Variants in DPP10 observed in about 807,000 individuals in gnomAD.
DPP10 encodes the protein dipeptidyl peptidase like 10.
Under a neutral mutation model 120.9 loss-of-function variants are expected in DPP10, and 33 were observed. That is an observed-to-expected ratio of 0.27 (90% CI 0.21 to 0.37). DPP10 has a LOEUF of 0.37. Ranked by LOEUF, DPP10 falls within the 10% of genes least tolerant of loss-of-function variation. The probability of loss-of-function intolerance (pLI) is 1.00; values close to 1 mark genes in which losing one functional copy is unlikely to be tolerated. For missense variants in DPP10, 816 were observed against 942.8 expected, an observed-to-expected ratio of 0.87 and a Z score of 1.76; for synonymous variants, 337 against 326.1, an observed-to-expected ratio of 1.03 and a Z score of -0.36.
At chr2:115,161,834 C>G (rs868636913) in intron 1 of DPP10, 8 of 980,880 alleles carry the variant, frequency 8.2e-6, no homozygotes, top group African/African-American at 5.2e-5. Context: ...CCGCTCCCCC[C>G]ACCCCGTCCC....
At chr2:115,003,991 A>G (rs1701634563) in intron 1 of DPP10, among the ~76,000 whole-genome samples, 1 of 152,220 alleles carries the variant, frequency 6.6e-6, no homozygotes, top group African/African-American at 2.4e-5. Flanking sequence ...TTATTCACCA[A>G]TTCAAGTATT....
chr2:114,948,987 C>A (rs889353489), intron 1 of DPP10, among the ~76,000 whole-genome samples: 3 of 151,796 alleles, frequency 2.0e-5, no homozygotes, highest in Admixed American at 1.3e-4. Context: ...TACAGTGGCA[C>A]AATCTCAGCT....
intron 4 of DPP10, among the ~76,000 whole-genome samples, chr2:115,507,480 G>A (rs936091862): frequency 1.3e-5 from 2 of 152,118 alleles, no homozygotes; most frequent in African/African-American, 2.4e-5. Context: ...GCTTAGGAAA[G>A]GCTCACTACG....
At chr2:114,948,804 A>T (rs987222342) in intron 1 of DPP10, among the ~76,000 whole-genome samples, 1 of 152,190 alleles carries the variant, frequency 6.6e-6, no homozygotes, top group African/African-American at 2.4e-5. Flanking sequence ...ACTGACTGAC[A>T]GTTCTGTGTG....
rs541056101 is a variant in DPP10, at chr2:114,611,794, A to G, written c.60+168956A>G. Among the ~76,000 whole-genome samples, 9 of 152,300 alleles carry G rather than the reference A, an allele frequency of 5.9e-5. No homozygotes were observed. In the South Asian group the frequency reaches 1.9e-3, roughly 32 times the overall value. ...CTCATCCTATGTGTTGTCACTGTTCATGTCAGCATTGTATGAAGAGTGAAT... is the reference window on the plus strand; with the variant it reads ...CTCATCCTATGTGTTGTCACTGTTCGTGTCAGCATTGTATGAAGAGTGAAT... On this transcript the variant is annotated intron_variant, in intron 1 of 25. Coordinates refer to ENST00000410059, the MANE Select transcript of DPP10 (RefSeq NM_020868.6).
chr2:115,428,260 C>T (rs2070659739), intron 3 of DPP10, among the ~76,000 whole-genome samples: 1 of 152,200 alleles, frequency 6.6e-6, no homozygotes, highest in African/African-American at 2.4e-5. Flanking sequence ...AGCCTCAGCC[C>T]ATTAACCAAT....
At chr2:115,663,307 A>G (rs1005755294) in intron 5 of DPP10, among the ~76,000 whole-genome samples, 1 of 152,192 alleles carries the variant, frequency 6.6e-6, no homozygotes, top group African/African-American at 2.4e-5. Context: ...TTCTTCAGCA[A>G]TGTATAATAA....
intron 1 of DPP10, among the ~76,000 whole-genome samples, chr2:114,471,071 G>A (rs1679866873): frequency 6.6e-6 from 1 of 152,186 alleles, no homozygotes; most frequent in Non-Finnish European, 1.5e-5. Context: ...ATTAAACTAT[G>A]ACAACTAAAA....
intron 1 of DPP10, among the ~76,000 whole-genome samples, chr2:115,166,784 TG>T (rs34679857): frequency 6.6e-6 from 1 of 151,990 alleles, no homozygotes; most frequent in African/African-American, 2.4e-5. Flanking sequence ...CACATTACAT[TG>T]GAAACAAAAC....
chr2:114,881,666 T>C (rs1309293423), intron 1 of DPP10, among the ~76,000 whole-genome samples: 1 of 150,970 alleles, frequency 6.6e-6, no homozygotes, highest in East Asian at 1.9e-4. Flanking sequence ...CTAACAGGTT[T>C]AGTTAGTGAA....
chr2:115,580,602 G>T (rs941583680), intron 5 of DPP10, among the ~76,000 whole-genome samples: 1 of 151,862 alleles, frequency 6.6e-6, no homozygotes, highest in Non-Finnish European at 1.5e-5. Context: ...GGCACATTTC[G>T]GTCTCATGGC....
At chr2:114,570,138 T>C (rs1282885085) in intron 1 of DPP10, among the ~76,000 whole-genome samples, 5 of 152,300 alleles carry the variant, frequency 3.3e-5, no homozygotes, top group Non-Finnish European at 7.4e-5. Context: ...CTTCAAGTCC[T>C]CCTCAAGGCC....
intron 1 of DPP10, among the ~76,000 whole-genome samples, chr2:114,893,851 T>C (rs1692745458): frequency 1.3e-5 from 2 of 152,202 alleles, no homozygotes; most frequent in African/African-American, 4.8e-5. Context: ...AACATATTTT[T>C]TGTCACTACC....
intron 1 of DPP10, among the ~76,000 whole-genome samples, chr2:114,896,083 A>G (rs185313731): frequency 0.012 from 1,875 of 152,158 alleles, 34 homozygotes; most frequent in African/African-American, 0.043. Context: ...GTTCTGTTCC[A>G]TTGATCTATA....
intron 1 of DPP10, among the ~76,000 whole-genome samples, chr2:114,789,677 A>G (rs942769832): frequency 6.6e-6 from 1 of 152,206 alleles, no homozygotes; most frequent in Admixed American, 6.5e-5. Flanking sequence ...AGACGACAGA[A>G]AAAGAAATCA....
intron 1 of DPP10, among the ~76,000 whole-genome samples, chr2:115,006,324 A>G (rs945802117): frequency 6.4e-4 from 98 of 152,120 alleles, no homozygotes; most frequent in African/African-American, 2.2e-3. Context: ...GAGCAAAATA[A>G]CCAGCTAGCA....
At chr2:114,842,854 A>T (rs1184347246) in intron 1 of DPP10, among the ~76,000 whole-genome samples, 1 of 147,922 alleles carries the variant, frequency 6.8e-6, no homozygotes, top group Non-Finnish European at 1.5e-5. Flanking sequence ...CACCGGAGAC[A>T]AAAAAGAGAG....
At chr2:115,095,787 G>A (rs1709694384) in intron 1 of DPP10, among the ~76,000 whole-genome samples, 1 of 151,850 alleles carries the variant, frequency 6.6e-6, no homozygotes. Flanking sequence ...AATAACAGTA[G>A]TTTATGGAAA....
chr2:115,306,549 GA>G (rs1054188943), intron 1 of DPP10, among the ~76,000 whole-genome samples: 6 of 151,816 alleles, frequency 4.0e-5, no homozygotes, highest in African/African-American at 1.5e-4. Context: ...GAACTTTGGA[GA>G]AAAAAAGTAA....
Sources: allele counts gnomAD v4.1 joint callset (sites outside exome capture counted in the v4.1 genomes callset), GRCh38; gene constraint gnomAD v4.1.1; transcripts MANE v1.5; gene names NCBI Gene and HGNC (gene_info 2026-07-23, HGNC 2026-07-21).